The following ADGRL3 variants were observed in gnomAD, a reference collection of about 807,000 sequenced individuals.
ADGRL3 encodes adhesion G protein-coupled receptor L3, also known as calcium-independent alpha-latrotoxin receptor 3.
Under a neutral mutation model 153.5 loss-of-function variants are expected in ADGRL3, and 62 were observed. The ratio of observed to expected loss-of-function variants is 0.40; its 90% CI spans 0.33 to 0.50. The LOEUF is 0.50. Ranked by LOEUF, ADGRL3 falls within the 20% of genes least tolerant of loss-of-function variation. The pLI is 0.47. For synonymous variants in ADGRL3, 710 were observed against 672.5 expected, an observed-to-expected ratio of 1.06 and a Z score of -0.86; for missense variants, 1,641 against 1,859.4, an observed-to-expected ratio of 0.88 and a Z score of 2.16.
intron 4 of ADGRL3, among the ~76,000 whole-genome samples, chr4:61,531,198 G>A (rs551719357): frequency 1.3e-5 from 2 of 152,128 alleles, no homozygotes; most frequent in Admixed American, 1.3e-4. Context: ...GTGTGTATAC[G>A]CATACATGTT....
chr4:61,470,022 A>G (rs2097926805), intron 2 of ADGRL3, among the ~76,000 whole-genome samples: 1 of 151,988 alleles, frequency 6.6e-6, no homozygotes, highest in African/African-American at 2.4e-5. Context: ...TATAGATTTT[A>G]CACACTGAAT....
rs899625903 is a variant in ADGRL3, at chr4:62,053,302, G to A, written c.3814+8753G>A. Among the ~76,000 whole-genome samples the A allele has an allele frequency of 2.0e-5, 3 of 151,406 alleles. No individual in the cohort carries two copies. In the South Asian group the frequency reaches 6.2e-4, roughly 31 times the overall value. Reference sequence around the variant, plus strand: ...CTTAAATTGTAACAACCAATAATTGGGTAGTATTTGATTAAATTAGCTCCT... The same window carrying A: ...CTTAAATTGTAACAACCAATAATTGAGTAGTATTTGATTAAATTAGCTCCT... On this transcript the variant is annotated intron_variant, in intron 25 of 26. Transcript: ENST00000683033.
chr4:61,715,345 G>A (rs1417252675), intron 6 of ADGRL3, among the ~76,000 whole-genome samples: 1 of 152,106 alleles, frequency 6.6e-6, no homozygotes, highest in African/African-American at 2.4e-5. Flanking sequence ...GTGAAGGTGG[G>A]ATTTCATTCA....
intron 8 of ADGRL3, among the ~76,000 whole-genome samples, chr4:61,744,263 T>C (rs1277207776): frequency 2.6e-5 from 4 of 152,284 alleles, no homozygotes; most frequent in Non-Finnish European, 4.4e-5. Context: ...CCTGCCTCTG[T>C]AGACTCCACC....
chr4:62,068,680 C>T (rs1014899592), intron 26 of ADGRL3, among the ~76,000 whole-genome samples: 1 of 152,088 alleles, frequency 6.6e-6, no homozygotes, highest in African/African-American at 2.4e-5. Flanking sequence ...CACATACAGC[C>T]CTTTAAGAAG....
chr4:61,838,254 AAATC>A (rs1394532115), intron 9 of ADGRL3, among the ~76,000 whole-genome samples: 1 of 152,132 alleles, frequency 6.6e-6, no homozygotes, highest in Non-Finnish European at 1.5e-5. Context: ...ATAAAGATAA[AAATC>A]AAATTTAAAT....
chr4:62,059,448 A>C (rs973549065), intron 25 of ADGRL3, among the ~76,000 whole-genome samples: 11 of 152,158 alleles, frequency 7.2e-5, no homozygotes, highest in Non-Finnish European at 1.5e-4. Flanking sequence ...CAAATGGTGC[A>C]TGAGGCATGA....
chr4:61,866,956 A>C (rs969682263), intron 9 of ADGRL3, among the ~76,000 whole-genome samples: 1 of 152,158 alleles, frequency 6.6e-6, no homozygotes, highest in Non-Finnish European at 1.5e-5. Flanking sequence ...AACAATAAGC[A>C]CAGTAAAGAT....
chr4:62,004,563 C>A (rs1301226023), intron 21 of ADGRL3, among the ~76,000 whole-genome samples: 1 of 151,832 alleles, frequency 6.6e-6, no homozygotes, highest in Non-Finnish European at 1.5e-5. Context: ...ATATTTTATT[C>A]ATGGTTTGTC....
At chr4:61,619,547 A>ACACC (rs913997680) in intron 5 of ADGRL3, among the ~76,000 whole-genome samples, 12 of 142,008 alleles carry the variant, frequency 8.5e-5, no homozygotes, top group African/African-American at 2.8e-4. Flanking sequence ...ACACACACAC[A>ACACC]CTCTAATCAT....
intron 8 of ADGRL3, among the ~76,000 whole-genome samples, chr4:61,764,124 A>T (rs1312778545): frequency 6.6e-6 from 1 of 152,194 alleles, no homozygotes; most frequent in Non-Finnish European, 1.5e-5. Context: ...AGCCAATTTG[A>T]ATAAACCATT....
chr4:61,222,226 C>T (rs924272111), intron 1 of ADGRL3, among the ~76,000 whole-genome samples: 7 of 152,082 alleles, frequency 4.6e-5, no homozygotes, highest in African/African-American at 1.7e-4. Flanking sequence ...GGGTCCCAAA[C>T]ATAAAGCTTA....
intron 24 of ADGRL3, among the ~76,000 whole-genome samples, chr4:62,039,606 G>A (rs1173307734): frequency 6.6e-6 from 1 of 152,100 alleles, no homozygotes; most frequent in Admixed American, 6.6e-5. Flanking sequence ...CAACTCAGAT[G>A]GATGGAAATT....
At chr4:61,533,928 G>A (rs76655004) in intron 4 of ADGRL3, among the ~76,000 whole-genome samples, 6,525 of 152,118 alleles carry the variant, frequency 0.043, 167 homozygotes, top group Middle Eastern at 0.075. Context: ...GGGGATACAC[G>A]TGCAGGTTTG....
chr4:61,951,509 T>C (rs2098947126), intron 17 of ADGRL3, among the ~76,000 whole-genome samples: 1 of 152,202 alleles, frequency 6.6e-6, no homozygotes, highest in African/African-American at 2.4e-5. Context: ...CAGTTTATGT[T>C]GCAATGTTAG....
At chr4:61,309,808 G>T (rs969309849) in intron 1 of ADGRL3, among the ~76,000 whole-genome samples, 1 of 151,998 alleles carries the variant, frequency 6.6e-6, no homozygotes, top group African/African-American at 2.4e-5. Flanking sequence ...CTTGCAATAG[G>T]ATGGCAGATG....
intron 3 of ADGRL3, among the ~76,000 whole-genome samples, chr4:61,506,180 T>A (rs2152846678): frequency 6.6e-6 from 1 of 152,172 alleles, no homozygotes; most frequent in Non-Finnish European, 1.5e-5. Context: ...AGGCCTACTT[T>A]GTTATAGTAT....
intron 11 of ADGRL3, among the ~76,000 whole-genome samples, chr4:61,898,858 C>T (rs1019854949): frequency 3.3e-5 from 5 of 152,148 alleles, no homozygotes; most frequent in African/African-American, 1.2e-4. Flanking sequence ...CTCAGGCAAT[C>T]TGCCTGTCAT....
At chr4:61,916,287 A>G (rs1035919566) in intron 13 of ADGRL3, among the ~76,000 whole-genome samples, 5 of 152,328 alleles carry the variant, frequency 3.3e-5, no homozygotes, top group Middle Eastern at 6.8e-3. Context: ...GTAATTTTAG[A>G]TTTGTGTTGA....
Sources: allele counts gnomAD v4.1 joint callset (sites outside exome capture counted in the v4.1 genomes callset), GRCh38; gene constraint gnomAD v4.1.1; transcripts MANE v1.5; gene names NCBI Gene and HGNC (gene_info 2026-07-23, HGNC 2026-07-21).